The following CMPK2 variants were observed in gnomAD, a reference collection of about 807,000 sequenced individuals.
CMPK2 encodes the protein UMP-CMP kinase 2, mitochondrial.
A neutral mutation model predicts 33.4 loss-of-function variants in CMPK2; 32 were observed. The observed-to-expected ratio is 0.96, with a 90% confidence interval of 0.72 to 1.29. CMPK2 has a LOEUF of 1.29. CMPK2 is among the 50% of genes most tolerant of loss of function. The probability of loss-of-function intolerance (pLI) is 0.00; values close to 1 mark genes in which losing one functional copy is unlikely to be tolerated. For missense variants in CMPK2, 672 were observed against 616.0 expected, an observed-to-expected ratio of 1.09 and a Z score of -0.96; for synonymous variants, 299 against 275.3, an observed-to-expected ratio of 1.09 and a Z score of -0.85.
upstream of CMPK2, chr2:6,865,940 G>C (rs557496822): frequency 1.5e-6 from 2 of 1,339,318 alleles, no homozygotes; most frequent in African/African-American, 1.6e-5. Context: ...GGGAGCAGAC[G>C]CTTGGCCCCG....
intron 4 of CMPK2, 92 bp from the exon 5 acceptor site, chr2:6,850,065 A>C: frequency 8.4e-6 from 8 of 948,444 alleles, no homozygotes; most frequent in African/African-American, 1.6e-5. Flanking sequence ...AAATAGCTTG[A>C]AGCAAGCTTC....
chr2:6,843,664 G>A (rs1416822928), downstream of CMPK2, among the ~76,000 whole-genome samples: 1 of 152,074 alleles, frequency 6.6e-6, no homozygotes, highest in African/African-American at 2.4e-5. Context: ...CTCCCATATG[G>A]GCTAGAATAT....
Position 6,865,351 on chromosome 2 carries a change from G to A in CMPK2, c.346C>T (p.Leu116Phe). 1 of 1,450,546 alleles carries A rather than the reference G, an allele frequency of 6.9e-7. No individual in the cohort carries two copies. The highest frequency in any genetic ancestry group is 9.0e-7 in the Non-Finnish European group (1 of 1,110,310). 89.9% of individuals were successfully genotyped at this position (1,450,546 alleles called of 1,614,324 possible). ...PFQRCQLLRL[L>F]CYCPGGQAGG... is the part of the protein sequence containing the mutation. ...GCCTGGCCGCCCGGGCAGTAGCAGAGCAGCCTGAGCAGCTGGCACCGCTGG... is the reference window on the plus strand; with the variant it reads ...GCCTGGCCGCCCGGGCAGTAGCAGAACAGCCTGAGCAGCTGGCACCGCTGG... The change falls in exon 1 of 5, where the codon CTC becomes TTC. Residue 116 changes from leucine to phenylalanine, a missense_variant. By Grantham distance (22) the Leu-to-Phe change is conservative. Transcript: ENST00000256722.
intron 2 of CMPK2, 105 bp downstream of exon 2, chr2:6,863,359 A>G: frequency 1.1e-6 from 1 of 899,408 alleles, no homozygotes; most frequent in Non-Finnish European, 1.8e-6. Context: ...CAGTAGGGGC[A>G]CACATAAGGC....
exon 4 of CMPK2, chr2:6,840,645 A>G (rs1278507813): frequency 1.4e-6 from 1 of 702,266 alleles, no homozygotes; most frequent in South Asian, 1.5e-5. Flanking sequence ...GCAGGTGGAG[A>G]GAAGGATGGT....
At chr2:6,863,601 C>A in intron 1 of CMPK2, 23 bp from the exon 2 acceptor site, 1 of 1,580,104 alleles carries the variant, frequency 6.3e-7, no homozygotes. Flanking sequence ...GTCTATCCAT[C>A]AGCAATGAAG....
downstream of CMPK2, among the ~76,000 whole-genome samples, chr2:6,844,023 A>T (rs1047235934): frequency 2.6e-5 from 4 of 152,300 alleles, no homozygotes; most frequent in Admixed American, 1.3e-4. Flanking sequence ...CTAGCAACCT[A>T]TATCTCCAGG....
At position 6,849,714 on chromosome 2, in the gene CMPK2, A is replaced by C; in HGVS notation, c.*136T>G. ...GGGTACGATGGCTGAAGTAAAATTA[A>C]GATGCCTGGTCTCCAGTTTTCTGCC... is the stretch of plus-strand genomic sequence containing the variant. On this transcript the variant is annotated 3_prime_UTR_variant, in exon 5 of 5. Transcript: ENST00000256722. 1 of 1,522,016 alleles carries C rather than the reference A, an allele frequency of 6.6e-7. No homozygotes were observed. Among genetic ancestry groups the C allele is most frequent in the Non-Finnish European group, 8.7e-7 (1 of 1,146,580 alleles). The allele number at this position is 1,522,016 out of a possible 1,614,324, so 94.3% of individuals were successfully genotyped here.
intron 3 of CMPK2, among the ~76,000 whole-genome samples, chr2:6,842,329 G>A (rs1229391251): frequency 6.6e-6 from 1 of 152,196 alleles, no homozygotes; most frequent in Admixed American, 6.5e-5. Flanking sequence ...AATATTTGAG[G>A]AGGCGATTAT....
At chr2:6,845,726 C>T (rs1662344707), downstream of CMPK2, among the ~76,000 whole-genome samples, 1 of 152,224 alleles carries the variant, frequency 6.6e-6, no homozygotes, top group Admixed American at 6.5e-5. Context: ...TGTCCTAATA[C>T]CATCTGTGGC....
In CMPK2 at chr2:6,848,561, A is replaced by T; in HGVS notation, c.*1289T>A. 1.0e-6 allele frequency: 1 copy of T among 953,576 alleles called. No homozygotes were observed. Among genetic ancestry groups the T allele is most frequent in the Non-Finnish European group, 1.2e-6 (1 of 801,004 alleles). The allele number at this position is 953,576 out of a possible 1,614,324, so 59.1% of individuals were successfully genotyped here. ...TATAGAAATTACCTATAGCTCTTTT[A>T]AAAATCCTATGACATTAACATGAAA... On this transcript the variant is annotated 3_prime_UTR_variant, in exon 5 of 5. Coordinates refer to ENST00000256722, the MANE Select transcript of CMPK2 (RefSeq NM_207315.4).
Position 6,865,273 on chromosome 2 carries a change from T to C in CMPK2, c.424A>G (p.Thr142Ala). The change falls in exon 1 of 5, where the codon ACC becomes GCC. Residue 142 changes from threonine (T) to alanine (A), a missense_variant. Physicochemically the swap from Thr to Ala is moderately conservative, Grantham distance 58. Coordinates refer to ENST00000256722, the MANE Select transcript of CMPK2 (RefSeq NM_207315.4). Reference protein sequence around the residue: ...LLRDPLDDPDTRQALLELLGA... With the variant: ...LLRDPLDDPDARQALLELLGA... ...AGCAGCTCGAGCAGCGCTTGCCGGGTGTCAGGGTCATCCAGGGGGTCGCGC... is the reference window on the plus strand; with the variant it reads ...AGCAGCTCGAGCAGCGCTTGCCGGGCGTCAGGGTCATCCAGGGGGTCGCGC... 1 of 1,534,532 alleles carries C rather than the reference T, an allele frequency of 6.5e-7. No homozygotes were observed. Among genetic ancestry groups the C allele is most frequent in the Admixed American group, 1.9e-5 (1 of 52,526 alleles).
chr2:6,846,017 G>A (rs1662351987), downstream of CMPK2, among the ~76,000 whole-genome samples: 1 of 152,126 alleles, frequency 6.6e-6, no homozygotes, highest in African/African-American at 2.4e-5. Context: ...ACTGATAGAG[G>A]AACGTAAAAG....
Position 6,848,553 on chromosome 2 carries a change from G to T in CMPK2, c.*1297C>A. The T allele has an allele frequency of 1.1e-6, 1 of 950,826 alleles. No homozygotes were observed. The highest frequency in any genetic ancestry group is 1.3e-6 in the Non-Finnish European group (1 of 798,604). The allele number at this position is 950,826 out of a possible 1,614,324, so 58.9% of individuals were successfully genotyped here. Reference sequence around the variant, plus strand: ...ACATATTATATAGAAATTACCTATAGCTCTTTTAAAAATCCTATGACATTA... The same window carrying T: ...ACATATTATATAGAAATTACCTATATCTCTTTTAAAAATCCTATGACATTA... On this transcript the variant is annotated 3_prime_UTR_variant, in exon 5 of 5. Transcript: ENST00000256722.
At chr2:6,841,722 T>C (rs1662239364) in intron 3 of CMPK2, among the ~76,000 whole-genome samples, 1 of 152,160 alleles carries the variant, frequency 6.6e-6, no homozygotes, top group South Asian at 2.1e-4. Context: ...CTTTGGGGTC[T>C]TCTTACTGCT....
rs1663056389 is a variant in CMPK2, at chr2:6,865,646, G to C, written c.51C>G (p.Leu17=). 5 of 1,347,060 alleles carry C rather than the reference G, an allele frequency of 3.7e-6. No individual in the cohort carries two copies. Among genetic ancestry groups the C allele is most frequent in the East Asian group, 3.2e-5 (1 of 31,574 alleles). The allele number at this position is 1,347,060 out of a possible 1,614,324, so 83.4% of individuals were successfully genotyped here. Residue 17 remains leucine, a synonymous_variant, in exon 1 of 5, where the codon CTC becomes CTG. Transcript: ENST00000256722. The part of the protein sequence containing the change: ...LLRGPLSGPL[L]GRRGVCAGAM... ...CCCCAGCGCAGACCCCGCGCCGCCCGAGCAGCGGCCCCGACAGTGGCCCGC... is the reference window on the plus strand; with the variant it reads ...CCCCAGCGCAGACCCCGCGCCGCCCCAGCAGCGGCCCCGACAGTGGCCCGC...
intron 3 of CMPK2, 48 bp downstream of exon 3, chr2:6,861,136 T>G: frequency 8.6e-7 from 1 of 1,159,212 alleles, no homozygotes; most frequent in Middle Eastern, 2.0e-4. Context: ...ACCCACACAC[T>G]TATATATTAG....
downstream of CMPK2, among the ~76,000 whole-genome samples, chr2:6,845,097 G>A (rs751757534): frequency 6.6e-6 from 1 of 152,094 alleles, no homozygotes; most frequent in Non-Finnish European, 1.5e-5. Flanking sequence ...ACAAAGATTT[G>A]GGTTGTCTCG....
chr2:6,866,294 C>T (rs895687653), upstream of CMPK2: 4 of 369,224 alleles, frequency 1.1e-5, no homozygotes, highest in African/African-American at 8.8e-5. Context: ...ACCACGCGTC[C>T]CCGCCCCTCT....
Sources: gnomAD v4.1 joint callset for allele counts (sites outside exome capture counted in the v4.1 genomes callset) on GRCh38, gnomAD v4.1.1 for gene constraint, MANE v1.5 for transcripts, NCBI Gene and HGNC (gene_info 2026-07-23, HGNC 2026-07-21) for gene names.